The following DMD variants were observed in gnomAD, a reference collection of about 807,000 sequenced individuals.
The protein encoded by DMD is mutant dystrophin.
A neutral mutation model predicts 330.1 loss-of-function variants in DMD; 63 were observed. The ratio of observed to expected loss-of-function variants is 0.19; its 90% CI spans 0.16 to 0.24. The LOEUF is 0.24. Among genes scored for constraint, DMD ranks in the 10% least tolerant of loss-of-function variants. DMD has a pLI of 1.00. For missense variants in DMD, 3,344 were observed against 2,684.1 expected (o/e 1.25, Z -5.43); for synonymous variants, 1,223 against 959.8 (o/e 1.27, Z -5.07).
chrX:32,300,309 C>T (rs909715633), intron 42 of DMD, among the ~76,000 whole-genome samples: 23 of 111,695 alleles, frequency 2.1e-4, no homozygotes, highest in African/African-American at 7.5e-4. Context: ...TTTACTTTTA[C>T]AAGACATTAG....
At chrX:32,975,073 T>C (rs1025866530) in intron 2 of DMD, among the ~76,000 whole-genome samples, 1 of 111,672 alleles carries the variant, frequency 9.0e-6, no homozygotes, top group African/African-American at 3.3e-5. Flanking sequence ...AAACATTTTA[T>C]TTAGAATAAT....
At chrX:32,654,785 CTTT>C (rs756111626) in intron 9 of DMD, among the ~76,000 whole-genome samples, 1 of 111,083 alleles carries the variant, frequency 9.0e-6, no homozygotes, top group Non-Finnish European at 1.9e-5. Context: ...TGGTCCTGGA[CTTT>C]TTTTGGTTGG....
intron 44 of DMD, among the ~76,000 whole-genome samples, chrX:32,068,374 A>ATTTTTTTTTTT: frequency 1.6e-5 from 1 of 64,320 alleles, no homozygotes; most frequent in Non-Finnish European, 3.0e-5. Flanking sequence ...CTTGCTTGTC[A>ATTTTTTTTTTT]TTTTTTTTTT....
intron 50 of DMD, among the ~76,000 whole-genome samples, chrX:31,808,475 G>C (rs973556862): frequency 4.5e-5 from 5 of 111,852 alleles, no homozygotes; most frequent in African/African-American, 1.6e-4. Flanking sequence ...GGAAGGGGCA[G>C]TGTCAGCTTT....
chrX:32,818,701 C>CA (rs2077962291), intron 5 of DMD, among the ~76,000 whole-genome samples: 1 of 111,515 alleles, frequency 9.0e-6, no homozygotes, highest in African/African-American at 3.3e-5. Context: ...GATTGACCTT[C>CA]AAGGAAGGGC....
intron 1 of DMD, among the ~76,000 whole-genome samples, chrX:33,180,366 A>G (rs957102358): frequency 3.6e-5 from 4 of 111,721 alleles, no homozygotes; most frequent in Non-Finnish European, 5.6e-5. Flanking sequence ...ATTATTATCA[A>G]CAGAAGGGTG....
At chrX:31,502,141 G>A (rs957645591) in intron 56 of DMD, among the ~76,000 whole-genome samples, 2 of 111,538 alleles carry the variant, frequency 1.8e-5, no homozygotes, top group Non-Finnish European at 3.8e-5. Context: ...AGACTTAAAT[G>A]TAAGACCTCA....
intron 45 of DMD, among the ~76,000 whole-genome samples, chrX:31,940,004 G>T (rs1219177528): frequency 1.8e-5 from 2 of 111,907 alleles, no homozygotes; most frequent in Non-Finnish European, 3.8e-5. Flanking sequence ...TTTATTGAGG[G>T]TCTACTAGTG....
Position 31,146,366 on chromosome X carries a change from TAGA to T in DMD, c.10843_10845del (p.Ser3615del), listed in dbSNP as rs751391426. ...CTGCTGTCGGACCTCTGTAGAGAGGTAGAAGGAGAGGACACCGTTGTGCCATTC... is the reference window on the plus strand; with the variant it reads ...CTGCTGTCGGACCTCTGTAGAGAGGTAGGAGAGGACACCGTTGTGCCATTC... On this transcript the variant is annotated inframe_deletion, in exon 76 of 79. Transcript: ENST00000357033. 3.0e-5 allele frequency: 36 copies of T among 1,209,007 alleles called. No homozygotes were observed. Among genetic ancestry groups the T allele is most frequent in the Admixed American group, 4.4e-5 (2 of 45,844 alleles).
At chrX:33,075,321 C>T (rs1051449138) in intron 1 of DMD, among the ~76,000 whole-genome samples, 3 of 111,429 alleles carry the variant, frequency 2.7e-5, no homozygotes, top group Non-Finnish European at 5.6e-5. Flanking sequence ...TTTCCACATG[C>T]CTTTCCCCAA....
In DMD at chrX:32,033,653, G is replaced by GAAGAAAGAAAGA. The variant is rs1557081473; in HGVS notation, c.6439-65151_6439-65140dup. The stretch of plus-strand genomic sequence containing the variant: ...AGAAAGAAAGAAAGAAAGAAAGAAA[G>GAAGAAAGAAAGA]AAGAAAGAAAGAAAGAAAGGAAGGA... On this transcript the variant is annotated intron_variant, in intron 44 of 78. Coordinates refer to ENST00000357033, the MANE Select transcript of DMD (RefSeq NM_004006.3). 9.4e-3 allele frequency among the ~76,000 whole-genome samples: 555 copies of GAAGAAAGAAAGA among 59,054 alleles called. 18 individuals are homozygous for GAAGAAAGAAAGA. The highest frequency in any genetic ancestry group is 0.031 in the African/African-American group (435 of 14,231). The allele number at this position is 59,054 out of a possible 115,157, so 51.3% of individuals were successfully genotyped here. A position where few individuals can be genotyped will look rare whatever the true frequency, so the allele number is the denominator to read the frequency against.
chrX:31,157,993 C>T (rs181278063), intron 74 of DMD, among the ~76,000 whole-genome samples: 18 of 108,848 alleles, frequency 1.7e-4, no homozygotes, highest in African/African-American at 4.0e-4. Context: ...ATTGTAGAGA[C>T]GGTATCTCCC....
intron 1 of DMD, among the ~76,000 whole-genome samples, chrX:33,330,195 T>C (rs1464183073): frequency 9.0e-6 from 1 of 111,340 alleles, no homozygotes; most frequent in East Asian, 2.8e-4. Flanking sequence ...AGAATGACTT[T>C]CTGGATGATT....
chrX:32,045,647 G>A (rs1033802339), intron 44 of DMD, among the ~76,000 whole-genome samples: 2 of 111,233 alleles, frequency 1.8e-5, no homozygotes, highest in Admixed American at 1.9e-4. Flanking sequence ...TATTCCTATT[G>A]TATCTACTCT....
chrX:32,784,590 A>C (rs756900583), intron 7 of DMD, among the ~76,000 whole-genome samples: 1 of 111,953 alleles, frequency 8.9e-6, no homozygotes, highest in South Asian at 3.7e-4. Flanking sequence ...ATTAACTTCC[A>C]AGGAACTATA....
At chrX:32,809,408 T>C in intron 7 of DMD, 85 bp downstream of exon 7, 1 of 800,395 alleles carries the variant, frequency 1.2e-6, no homozygotes, top group Non-Finnish European at 1.9e-6. Flanking sequence ...TGTAGTTTTG[T>C]ATTTTGTGTA....
intron 1 of DMD, among the ~76,000 whole-genome samples, chrX:33,146,524 C>T (rs1036260829): frequency 1.1e-4 from 12 of 111,269 alleles, no homozygotes; most frequent in Non-Finnish European, 1.9e-4. Flanking sequence ...AATCTTTCTA[C>T]AGATGCAAAT....
At chrX:33,181,040 G>A (rs1260019317) in intron 1 of DMD, among the ~76,000 whole-genome samples, 1 of 109,959 alleles carries the variant, frequency 9.1e-6, no homozygotes, top group Non-Finnish European at 1.9e-5. Context: ...TTGTAAATTA[G>A]CAGAAATGGT....
intron 11 of DMD, among the ~76,000 whole-genome samples, chrX:32,614,730 C>T (rs933599873): frequency 4.5e-5 from 5 of 111,106 alleles, no homozygotes; most frequent in African/African-American, 1.6e-4. Context: ...TGATAATTGA[C>T]TAAGTAGTAT....
Sources: allele counts gnomAD v4.1 joint callset (sites outside exome capture counted in the v4.1 genomes callset), GRCh38; gene constraint gnomAD v4.1.1; transcripts MANE v1.5; gene names NCBI Gene and HGNC (gene_info 2026-07-23, HGNC 2026-07-21).